Variants in CAST observed in about 807,000 individuals in gnomAD.
CAST encodes calpastatin.
In CAST, 76 loss-of-function variants were observed where a neutral mutation model predicts 119.6. The ratio of observed to expected loss-of-function variants is 0.64; its 90% confidence interval spans 0.53 to 0.77. The LOEUF (loss-of-function observed/expected upper bound fraction) is 0.77. Among genes scored for constraint, CAST ranks in the 30% least tolerant of loss-of-function variants. CAST has a pLI of 0.00. For missense variants in CAST, 953 were observed against 946.5 expected, an observed-to-expected ratio of 1.01 and a Z score of -0.09; for synonymous variants, 319 against 331.6, an observed-to-expected ratio of 0.96 and a Z score of 0.41.
At chr5:96,501,268 A>T in the CAST span, among the ~76,000 whole-genome samples, 1 of 152,220 alleles carries the variant, frequency 6.6e-6, no homozygotes, top group Non-Finnish European at 1.5e-5. Flanking sequence ...TAACACAATA[A>T]ATGTACATGG....
At chr5:96,012,600 T>A in the CAST span, among the ~76,000 whole-genome samples, 1 of 152,204 alleles carries the variant, frequency 6.6e-6, no homozygotes, top group Admixed American at 6.5e-5. Flanking sequence ...AGATGTGACA[T>A]GCATAGAGTG....
chr5:96,229,433 GA>G, the CAST span, among the ~76,000 whole-genome samples: 5 of 151,434 alleles, frequency 3.3e-5, no homozygotes, highest in South Asian at 2.1e-4. Flanking sequence ...GCATCCATTG[GA>G]AAAAAAAGAC....
At chr5:96,289,511 C>T in the CAST span, among the ~76,000 whole-genome samples, 2 of 152,170 alleles carry the variant, frequency 1.3e-5, no homozygotes, top group East Asian at 1.9e-4. Context: ...AGGGGAAACC[C>T]CTTTCACTTG....
intron 1 of CAST, among the ~76,000 whole-genome samples, chr5:96,535,213 G>T (rs1257022532): frequency 6.6e-6 from 1 of 152,180 alleles, no homozygotes; most frequent in Non-Finnish European, 1.5e-5. Context: ...AAAAGTCAAA[G>T]AATGTTACCT....
the CAST span, among the ~76,000 whole-genome samples, chr5:96,256,279 A>G: frequency 1.3e-5 from 2 of 148,366 alleles, no homozygotes; most frequent in Non-Finnish European, 1.5e-5. Context: ...TGTAATATAT[A>G]CTATATAAAT....
chr5:96,142,538 GT>G, the CAST span, among the ~76,000 whole-genome samples: 1 of 152,214 alleles, frequency 6.6e-6, no homozygotes, highest in African/African-American at 2.4e-5. Context: ...TGGGCAGAGT[GT>G]GGAAATTTGA....
At chr5:96,455,694 CT>C in the CAST span, among the ~76,000 whole-genome samples, 1 of 152,236 alleles carries the variant, frequency 6.6e-6, no homozygotes, top group Non-Finnish European at 1.5e-5. Context: ...CAACCCTCTC[CT>C]TCCTGGCTTT....
chr5:96,753,206 G>A (rs554078932), intron 20 of CAST, among the ~76,000 whole-genome samples: 3 of 151,972 alleles, frequency 2.0e-5, no homozygotes, highest in East Asian at 1.9e-4. Context: ...GTGTTGCCCC[G>A]GCTGGTCTCA....
the CAST span, among the ~76,000 whole-genome samples, chr5:96,006,096 G>A: frequency 3.3e-5 from 5 of 152,150 alleles, no homozygotes; most frequent in African/African-American, 1.2e-4. Flanking sequence ...CTGGTTGACA[G>A]ATATTTTTTC....
chr5:96,434,513 C>T, the CAST span, among the ~76,000 whole-genome samples: 1 of 152,100 alleles, frequency 6.6e-6, no homozygotes, highest in Non-Finnish European at 1.5e-5. Context: ...ATCGTGACAA[C>T]TTGTGTCCAG....
At chr5:96,759,497 G>C (rs1767213820) in intron 24 of CAST, among the ~76,000 whole-genome samples, 1 of 151,930 alleles carries the variant, frequency 6.6e-6, no homozygotes, top group African/African-American at 2.4e-5. Flanking sequence ...AGTAGAGAAA[G>C]AGAAAAAGAG....
At chr5:96,385,511 A>G in the CAST span, among the ~76,000 whole-genome samples, 3 of 152,374 alleles carry the variant, frequency 2.0e-5, no homozygotes, top group Non-Finnish European at 4.4e-5. Flanking sequence ...CAGTTTCCAT[A>G]TATGTAAAAA....
chr5:96,479,817 T>C, the CAST span, among the ~76,000 whole-genome samples: 1 of 151,974 alleles, frequency 6.6e-6, no homozygotes, highest in Non-Finnish European at 1.5e-5. Flanking sequence ...GAGGTGGGAA[T>C]TGTAGTAAAT....
intron 6 of CAST, chr5:96,728,424 ATCT>A (rs1399399154): frequency 6.6e-6 from 1 of 151,980 alleles, no homozygotes; most frequent in Non-Finnish European, 1.5e-5. Flanking sequence ...TGGTGGTAAG[ATCT>A]TCTCTACTAA....
At chr5:96,726,767 A>G (rs758204300) in intron 4 of CAST, 27 bp from the exon 5 acceptor site, 2 of 1,523,418 alleles carry the variant, frequency 1.3e-6, no homozygotes, top group South Asian at 2.3e-5. Context: ...AAATAAAATT[A>G]TACCTGGGGC....
the CAST span, among the ~76,000 whole-genome samples, chr5:96,021,333 C>T: frequency 3.9e-5 from 6 of 152,128 alleles, no homozygotes; most frequent in Non-Finnish European, 8.8e-5. Flanking sequence ...ATAGATGCCT[C>T]CCAGTATTTA....
the CAST span, among the ~76,000 whole-genome samples, chr5:96,196,731 G>A: frequency 1.3e-5 from 2 of 152,176 alleles, no homozygotes; most frequent in Admixed American, 6.5e-5. Context: ...GCCAGATAAC[G>A]CAGGGTCCTG....
At chr5:96,741,034 A>G (rs1295171147) in intron 13 of CAST, 2 of 594,918 alleles carry the variant, frequency 3.4e-6, no homozygotes, top group Admixed American at 3.1e-5. Flanking sequence ...ATGCATGTTC[A>G]TAATAATAGA....
chr5:95,986,907 A>G, the CAST span, among the ~76,000 whole-genome samples: 5 of 152,266 alleles, frequency 3.3e-5, no homozygotes, highest in South Asian at 1.0e-3. Flanking sequence ...AGAGTAAAAA[A>G]TGCTGCACAG....
Sources: gnomAD v4.1 joint callset for allele counts (sites outside exome capture counted in the v4.1 genomes callset) on GRCh38, gnomAD v4.1.1 for gene constraint, MANE v1.5 for transcripts, NCBI Gene and HGNC (gene_info 2026-07-23, HGNC 2026-07-21) for gene names.